ABCG5: variants seen among roughly 807,000 people sequenced by gnomAD.
ABCG5 encodes the protein ATP-binding cassette sub-family G member 5.
In ABCG5, 64 loss-of-function variants were observed where a neutral mutation model predicts 64.5. That is an observed-to-expected ratio of 0.99 (90% CI 0.81 to 1.22). The LOEUF (loss-of-function observed/expected upper bound fraction) is 1.22. Ranked by LOEUF, ABCG5 falls within the 50% of genes most tolerant of loss-of-function variation. The pLI is 0.00. For missense variants in ABCG5, 908 were observed against 829.5 expected (o/e 1.09, Z -1.16); for synonymous variants, 385 against 326.3 (o/e 1.18, Z -1.94).
downstream of ABCG5, among the ~76,000 whole-genome samples, chr2:43,811,284 C>G (rs147984320): frequency 4.1e-4 from 62 of 152,284 alleles, no homozygotes; most frequent in African/African-American, 1.4e-3. Context: ...TGTCAAAGAC[C>G]TTTTATAAAA....
In ABCG5 at chr2:43,838,120, C is replaced by T. The variant is rs917570390; in HGVS notation, c.144-165G>A. On this transcript the variant is annotated intron_variant, in intron 1 of 12. Transcript: ENST00000405322. The surrounding 1 kb of genome is among the most constrained non-coding windows in gnomAD (Gnocchi z 4.2). Reference sequence around the variant, plus strand: ...CTCCTCTGTAGAACCTGGCAGATAGCGACTGAGGCTGTCTGCCACGTAGGG... The same window carrying T: ...CTCCTCTGTAGAACCTGGCAGATAGTGACTGAGGCTGTCTGCCACGTAGGG... 7 of 892,988 alleles carry T rather than the reference C, an allele frequency of 7.8e-6. No individual in the cohort carries two copies. Among genetic ancestry groups the T allele is most frequent in the African/African-American group, 5.0e-5 (3 of 60,010 alleles). The allele number at this position is 892,988 out of a possible 1,614,324, so 55.3% of individuals were successfully genotyped here. A position where few individuals can be genotyped will look rare whatever the true frequency, so the allele number is the denominator to read the frequency against.
At chr2:43,817,585 C>T (rs987188378) in intron 11 of ABCG5, among the ~76,000 whole-genome samples, 2 of 151,992 alleles carry the variant, frequency 1.3e-5, no homozygotes, top group African/African-American at 4.8e-5. Flanking sequence ...TCCAGATAAA[C>T]CCATCATAAG....
chr2:43,826,216 A>G lies in ABCG5; in HGVS notation c.774+166T>C, dbSNP rs112153830. Among the ~76,000 whole-genome samples, 1,208 of 146,018 alleles carry G rather than the reference A, an allele frequency of 8.3e-3. 24 individuals carry two copies. Among genetic ancestry groups the G allele is most frequent in the African/African-American group, 0.03 (1,171 of 39,338 alleles). On this transcript the variant is annotated intron_variant, in intron 6 of 12. Transcript: ENST00000405322. ...AGTCTCACTTTATTGCTCAGGATGGACTCAAACTCCTGGCCTCAAGTGCTC... is the reference window on the plus strand; with the variant it reads ...AGTCTCACTTTATTGCTCAGGATGGGCTCAAACTCCTGGCCTCAAGTGCTC...
At chr2:43,825,381 GT>G (rs558688363) in intron 6 of ABCG5, among the ~76,000 whole-genome samples, 7 of 151,978 alleles carry the variant, frequency 4.6e-5, no homozygotes, top group Non-Finnish European at 7.4e-5. Context: ...GTCTTAGTTT[GT>G]TTTTTTGTTT....
intron 2 of ABCG5, chr2:43,832,796 G>A (rs1254950184): frequency 6.5e-6 from 1 of 153,432 alleles, no homozygotes; most frequent in Non-Finnish European, 1.4e-5. Flanking sequence ...ACTGGGGGAT[G>A]ATGCTTCCCT....
At chr2:43,829,255 A>G (rs1322825579) in intron 4 of ABCG5, among the ~76,000 whole-genome samples, 1 of 152,238 alleles carries the variant, frequency 6.6e-6, no homozygotes, top group Non-Finnish European at 1.5e-5. Context: ...TTCCCACTGT[A>G]TAACCCAAAT....
Position 43,838,655 on chromosome 2 carries a change from G to T in ABCG5, c.25C>A (p.Pro9Thr), listed in dbSNP as rs1301882747. MGDLSSLT[P>T]GGSMGLQVNR... Reference sequence around the variant, plus strand: ...ACTTGGAGACCCATGGACCCTCCGGGGGTCAAAGATGAGAGGTCACCCATG... The same window carrying T: ...ACTTGGAGACCCATGGACCCTCCGGTGGTCAAAGATGAGAGGTCACCCATG... Residue 9 changes from proline to threonine, a missense_variant, in exon 1 of 13, where the codon CCC (proline) becomes ACC (threonine). Transcript: ENST00000405322. The surrounding 1 kb of genome is among the most constrained non-coding windows in gnomAD (Gnocchi z 4.2). The T allele has an allele frequency of 3.1e-6, 5 of 1,613,550 alleles. No homozygotes were observed. Among genetic ancestry groups the T allele is most frequent in the Admixed American group, 3.3e-5 (2 of 60,002 alleles).
At chr2:43,808,224 C>T (rs1666340575), downstream of ABCG5, among the ~76,000 whole-genome samples, 1 of 151,030 alleles carries the variant, frequency 6.6e-6, no homozygotes, top group Non-Finnish European at 1.5e-5. Context: ...ATGATTATTA[C>T]CATGAAAATT....
intron 5 of ABCG5, 84 bp from the exon 6 acceptor site, chr2:43,826,605 T>A (rs886559386): frequency 3.1e-6 from 5 of 1,594,528 alleles, no homozygotes; most frequent in Non-Finnish European, 4.3e-6. Flanking sequence ...AACTGTTCCT[T>A]ATTGAGTTTG....
intron 2 of ABCG5, 69 bp from the exon 3 acceptor site, chr2:43,832,152 C>G: frequency 2.6e-6 from 4 of 1,549,852 alleles, no homozygotes; most frequent in Middle Eastern, 1.7e-4. Context: ...TTCCCGAGAC[C>G]CTCTGTGCAG....
Position 43,814,567 on chromosome 2 carries a change from G to C in ABCG5, c.1672C>G (p.Pro558Ala), listed in dbSNP as rs772925269. 5 of 1,601,040 alleles carry C rather than the reference G, an allele frequency of 3.1e-6. No individual in the cohort carries two copies. The African/African-American group carries it at 6.7e-5, about 21-fold the overall frequency. ...GTAAAATAACTGATGATTTTAAAAG[G>C]AATGGGCATTTCTTGTATGTTTCTT... Reference protein sequence around the residue: ...FLRNIQEMPIPFKIISYFTFQ... With the variant: ...FLRNIQEMPIAFKIISYFTFQ... The change falls in exon 12 of 13, where the codon CCT becomes GCT. Residue 558 changes from proline (P) to alanine (A), a missense_variant. Physicochemically the swap from Pro to Ala is conservative, Grantham distance 27. Coordinates refer to ENST00000405322, the MANE Select transcript of ABCG5 (RefSeq NM_022436.3).
chr2:43,824,813 G>A (rs1667486347), intron 7 of ABCG5, 76 bp downstream of exon 7: 2 of 1,583,644 alleles, frequency 1.3e-6, no homozygotes, highest in Non-Finnish European at 1.7e-6. Flanking sequence ...CACTAGACTG[G>A]TGTCATCCAG....
At chr2:43,835,827 G>C (rs928408089) in intron 2 of ABCG5, among the ~76,000 whole-genome samples, 1 of 152,068 alleles carries the variant, frequency 6.6e-6, no homozygotes, top group Non-Finnish European at 1.5e-5. Context: ...CCTTGATCTC[G>C]GACTTCCCAG....
downstream of ABCG5, chr2:43,810,568 T>C (rs1666446175): frequency 1.0e-6 from 1 of 957,102 alleles, no homozygotes; most frequent in Non-Finnish European, 1.2e-6. Flanking sequence ...TTCTATGTTC[T>C]TCCATGTCCA....
At chr2:43,822,482 C>CT in intron 10 of ABCG5, 2 of 889,500 alleles carry the variant, frequency 2.2e-6, no homozygotes, top group Non-Finnish European at 2.7e-6. Context: ...CCCCAGGCCC[C>CT]CCCCCATGCA....
chr2:43,838,881 A>G, upstream of ABCG5: 1 of 1,186,552 alleles, frequency 8.4e-7, no homozygotes. This position sits in a 1 kb window ranked among gnomAD's most constrained non-coding sequence, Gnocchi z 4.2. Flanking sequence ...GACAGTGGGC[A>G]GAACACACAC....
intron 4 of ABCG5, 132 bp downstream of exon 4, chr2:43,831,637 C>G (rs1667951076): frequency 1.1e-6 from 1 of 921,578 alleles, no homozygotes. Context: ...CGGTGCAGGA[C>G]GCAGGGCGCG....
At chr2:43,827,102 A>T (rs1667659221) in intron 5 of ABCG5, among the ~76,000 whole-genome samples, 1 of 152,188 alleles carries the variant, frequency 6.6e-6, no homozygotes, top group South Asian at 2.1e-4. Flanking sequence ...AGGCAGGCAG[A>T]TCACCTGAGG....
chr2:43,809,824 A>G (rs772980227), downstream of ABCG5: 10 of 1,546,230 alleles, frequency 6.5e-6, no homozygotes, highest in Non-Finnish European at 8.7e-6. Context: ...ATAAGATTAT[A>G]CTGTGAATTA....
Sources: gnomAD v4.1 joint callset for allele counts (sites outside exome capture counted in the v4.1 genomes callset) on GRCh38, gnomAD v4.1.1 for gene constraint, Gnocchi (gnomAD v3.1) non-coding constraint, MANE v1.5 for transcripts, NCBI Gene and HGNC (gene_info 2026-07-23, HGNC 2026-07-21) for gene names.